Variants in TENM2 observed in about 807,000 individuals in gnomAD.
The protein encoded by TENM2 is teneurin-2.
Under a neutral mutation model 245.2 loss-of-function variants are expected in TENM2, and 52 were observed. The ratio of observed to expected loss-of-function variants is 0.21; its 90% confidence interval spans 0.17 to 0.27. The LOEUF is 0.27. Among genes scored for constraint, TENM2 ranks in the 10% least tolerant of loss-of-function variants. The probability of loss-of-function intolerance (pLI) is 1.00; values close to 1 mark genes in which losing one functional copy is unlikely to be tolerated. For synonymous variants in TENM2, 1,363 were observed against 1,438.9 expected (o/e 0.95, Z 1.19); for missense variants, 3,046 against 3,666.8 (o/e 0.83, Z 4.37).
chr5:167,954,129 A>G (rs1780341608), intron 4 of TENM2, among the ~76,000 whole-genome samples: 1 of 151,886 alleles, frequency 6.6e-6, no homozygotes, highest in African/African-American at 2.4e-5. Context: ...GTGCTGCATT[A>G]TTATTATTTT....
At chr5:167,735,862 C>T (rs1170694414) in intron 2 of TENM2, among the ~76,000 whole-genome samples, 1 of 152,072 alleles carries the variant, frequency 6.6e-6, no homozygotes, top group Admixed American at 6.6e-5. Context: ...CCGGTTCATA[C>T]CAATCCAGCC....
intron 13 of TENM2, among the ~76,000 whole-genome samples, chr5:168,185,781 A>G (rs1760333056): frequency 6.6e-6 from 1 of 151,564 alleles, no homozygotes; most frequent in South Asian, 2.1e-4. Flanking sequence ...ACACCAGTGG[A>G]TGACTCTAAA....
At chr5:168,226,290 C>A (rs1313599488) in intron 24 of TENM2, 27 bp downstream of exon 26, 2 of 1,603,340 alleles carry the variant, frequency 1.2e-6, no homozygotes, top group Admixed American at 3.4e-5. Flanking sequence ...ACCATCCTAC[C>A]CCCAAACTCA....
chr5:168,134,232 C>G (rs543812708), intron 12 of TENM2, among the ~76,000 whole-genome samples: 1 of 152,114 alleles, frequency 6.6e-6, no homozygotes, highest in African/African-American at 2.4e-5. Flanking sequence ...GCTTTTCTAA[C>G]CTTTATGTGT....
intron 2 of TENM2, among the ~76,000 whole-genome samples, chr5:167,834,502 A>G (rs868154549): frequency 1.3e-5 from 2 of 152,144 alleles, no homozygotes; most frequent in Non-Finnish European, 2.9e-5. Context: ...AGCTGATTTC[A>G]TGTGCTTAAA....
At chr5:167,725,650 C>T (rs917967537) in intron 2 of TENM2, among the ~76,000 whole-genome samples, 3 of 152,128 alleles carry the variant, frequency 2.0e-5, no homozygotes, top group African/African-American at 7.2e-5. Flanking sequence ...AAATTGGATC[C>T]TGTGTTCTTT....
intron 1 of TENM2, among the ~76,000 whole-genome samples, chr5:167,344,387 T>C (rs1303718081): frequency 6.6e-6 from 1 of 150,738 alleles, no homozygotes; most frequent in Non-Finnish European, 1.5e-5. Context: ...ACTGAAGGCA[T>C]GGCCATCTGA....
At chr5:167,768,427 C>T (rs529952753) in intron 2 of TENM2, among the ~76,000 whole-genome samples, 1 of 152,256 alleles carries the variant, frequency 6.6e-6, no homozygotes, top group Non-Finnish European at 1.5e-5. Context: ...ATTAGGAAAA[C>T]GTTTGTTATG....
chr5:167,341,596 C>G (rs761369899), intron 1 of TENM2, among the ~76,000 whole-genome samples: 115 of 151,768 alleles, frequency 7.6e-4, no homozygotes, highest in Non-Finnish European at 1.4e-3. Context: ...TGAAGTACTT[C>G]ACATTTGTGA....
At chr5:167,373,683 C>G (rs2127305251) in intron 1 of TENM2, among the ~76,000 whole-genome samples, 1 of 152,298 alleles carries the variant, frequency 6.6e-6, no homozygotes, top group African/African-American at 2.4e-5. Flanking sequence ...TTGCTGGAGA[C>G]TGCTGACACT....
At chr5:168,204,572 A>G in exon 19 of TENM2, 1 of 1,613,964 alleles carries the variant, frequency 6.2e-7, no homozygotes, top group Non-Finnish European at 8.5e-7. Flanking sequence ...CTTCAATTAC[A>G]TCCGACGCAT....
intron 25 of TENM2, chr5:168,232,237 T>C (rs1562313558): frequency 6.6e-6 from 1 of 151,942 alleles, no homozygotes; most frequent in Non-Finnish European, 1.5e-5. Context: ...GGGGGAGAGA[T>C]TTGAGAGATG....
chr5:167,963,627 G>A (rs966516439), intron 4 of TENM2, among the ~76,000 whole-genome samples: 1 of 152,184 alleles, frequency 6.6e-6, no homozygotes, highest in Non-Finnish European at 1.5e-5. Flanking sequence ...GAGAGGTAAT[G>A]AGCAGGCATT....
intron 1 of TENM2, among the ~76,000 whole-genome samples, chr5:167,329,761 AG>A (rs1341162740): frequency 6.6e-6 from 1 of 151,892 alleles, no homozygotes. Context: ...AGAAATAGAA[AG>A]AAGAGGAAGA....
At chr5:167,652,915 A>G (rs1754574316) in intron 2 of TENM2, among the ~76,000 whole-genome samples, 1 of 152,196 alleles carries the variant, frequency 6.6e-6, no homozygotes, top group Admixed American at 6.5e-5. Context: ...GGCTCCCAAC[A>G]TTAGCTATGT....
chr5:167,872,564 AAGAAAGAAAG>A (rs1773071358), intron 2 of TENM2, among the ~76,000 whole-genome samples: 1 of 45,428 alleles, frequency 2.2e-5, no homozygotes, highest in Non-Finnish European at 8.2e-5. Context: ...GAAAGAAAGA[AAGAAAGAAAG>A]AAAGAAAGAG....
At position 167,510,434 on chromosome 5, in the gene TENM2, C is replaced by T. The variant is rs375197510; in HGVS notation, c.502+134961C>T. On this transcript the variant is annotated intron_variant, in intron 2 of 28. Coordinates refer to ENST00000518659, the Ensembl canonical transcript of TENM2. ...ACCCATTTGTAGAGCTCACCTTATTCGCTTTGAAAATGCCATTGCTCTTGG... is the reference window on the plus strand; with the variant it reads ...ACCCATTTGTAGAGCTCACCTTATTTGCTTTGAAAATGCCATTGCTCTTGG... 5.3e-5 allele frequency among the ~76,000 whole-genome samples: 8 copies of T among 152,112 alleles called. No homozygotes were observed. The East Asian group carries it at 1.4e-3, about 26-fold the overall frequency.
At chr5:167,499,809 A>AGTGT (rs745394290) in intron 2 of TENM2, among the ~76,000 whole-genome samples, 1 of 142,948 alleles carries the variant, frequency 7.0e-6, no homozygotes, top group South Asian at 2.2e-4. Flanking sequence ...TATGTGAGGG[A>AGTGT]GTGTGTGTGT....
chr5:167,482,563 A>C (rs1460876234), intron 2 of TENM2, among the ~76,000 whole-genome samples: 1 of 152,170 alleles, frequency 6.6e-6, no homozygotes, highest in Non-Finnish European at 1.5e-5. Context: ...GAGAAGTTGG[A>C]TAACACGCCC....
Sources: allele counts gnomAD v4.1 joint callset (sites outside exome capture counted in the v4.1 genomes callset), GRCh38; gene constraint gnomAD v4.1.1; transcripts MANE v1.5; gene names NCBI Gene and HGNC (gene_info 2026-07-23, HGNC 2026-07-21).